PRKAR1B: variants seen among roughly 807,000 people sequenced by gnomAD.
The protein encoded by PRKAR1B is protein kinase cAMP-dependent type I regulatory subunit beta, also known as cAMP-dependent protein kinase type I-beta regulatory subunit.
PRKAR1B carries 22 observed loss-of-function variants against 46.5 expected under a neutral mutation model. That is an observed-to-expected ratio of 0.47 (90% CI 0.34 to 0.68). The LOEUF is 0.68. PRKAR1B is among the 30% of genes least tolerant of loss of function. The pLI is 0.01. For missense variants in PRKAR1B, 445 were observed against 535.6 expected (o/e 0.83, Z 1.67); for synonymous variants, 259 against 217.7 (o/e 1.19, Z -1.67).
At chr7:616,250 G>A (rs1310861440) in intron 4 of PRKAR1B, among the ~76,000 whole-genome samples, 4 of 152,226 alleles carry the variant, frequency 2.6e-5, no homozygotes, top group Non-Finnish European at 5.9e-5. Context: ...CTGACAAAAC[G>A]AGGTCACTCC....
chr7:717,797 G>A lies in PRKAR1B; in HGVS notation c.-22-6270C>T, dbSNP rs191784597. On this transcript the variant is annotated intron_variant, in intron 1 of 10. Transcript: ENST00000537384. ...TTCTCTACACATGGCTCCTGGGTGTGGCAGGCACTCTCAGATGGCCACAGG... is the reference window on the plus strand; with the variant it reads ...TTCTCTACACATGGCTCCTGGGTGTAGCAGGCACTCTCAGATGGCCACAGG... Among the ~76,000 whole-genome samples the A allele has an allele frequency of 3.9e-5, 6 of 152,226 alleles. No individual in the cohort carries two copies. The East Asian group carries it at 1.2e-3, about 29-fold the overall frequency.
intron 4 of PRKAR1B, among the ~76,000 whole-genome samples, chr7:635,583 G>A (rs899469460): frequency 2.0e-5 from 3 of 152,202 alleles, no homozygotes; most frequent in Admixed American, 6.5e-5. Flanking sequence ...ACCCAGGCCT[G>A]GAGCCCGGAA....
chr7:606,438 T>C (rs1782059346), intron 5 of PRKAR1B, among the ~76,000 whole-genome samples, 199 bp from the exon 6 acceptor site: 2 of 152,230 alleles, frequency 1.3e-5, no homozygotes, highest in Admixed American at 6.5e-5. Context: ...GTTTCATTAG[T>C]GAACTTTCTC....
intron 1 of PRKAR1B, among the ~76,000 whole-genome samples, chr7:725,905 C>G (rs1213086066): frequency 2.6e-5 from 4 of 152,202 alleles, no homozygotes; most frequent in African/African-American, 9.7e-5. Context: ...GAACAGAAGA[C>G]AGCAAGAGAA....
At chr7:564,058 T>C (rs146686579) in intron 9 of PRKAR1B, among the ~76,000 whole-genome samples, 6 of 152,208 alleles carry the variant, frequency 3.9e-5, no homozygotes, top group East Asian at 3.9e-4. Context: ...CACTTCCCGT[T>C]CTGATCCTGG....
intron 6 of PRKAR1B, among the ~76,000 whole-genome samples, chr7:605,640 G>A (rs554524667): frequency 1.3e-5 from 2 of 152,332 alleles, no homozygotes; most frequent in Admixed American, 6.5e-5. Context: ...AAAACAGTGG[G>A]AGCATCTCAT....
At chr7:681,743 C>T (rs1206152105) in intron 2 of PRKAR1B, among the ~76,000 whole-genome samples, 5 of 152,248 alleles carry the variant, frequency 3.3e-5, no homozygotes, top group African/African-American at 9.6e-5. Context: ...TGCCCACAGA[C>T]AAGTGCTTCG....
Position 711,397 on chromosome 7 carries a change from G to A in PRKAR1B, c.109C>T (p.His37Tyr). The change falls in exon 2 of 11, where the codon CAC becomes TAC. Residue 37 changes from histidine to tyrosine, a missense_variant. Transcript: ENST00000537384. ...CGTTCGGGCTTGGAGATGCAGAGGT[G>A]GACGATACAGTCTTTGAGGACCTGC... ...IQQVLKDCIV[H>Y]LCISKPERPM... The A allele has an allele frequency of 6.2e-7, 1 of 1,614,228 alleles. No individual in the cohort carries two copies. The highest frequency in any genetic ancestry group is 8.5e-7 in the Non-Finnish European group (1 of 1,180,028).
chr7:625,953 AGCCGAGATCGC>A (rs1367838647), intron 4 of PRKAR1B, among the ~76,000 whole-genome samples: 1 of 149,028 alleles, frequency 6.7e-6, no homozygotes, highest in Non-Finnish European at 1.5e-5. Flanking sequence ...GGTTGCAGTG[AGCCGAGATCGC>A]GCCATTGCAC....
chr7:692,930 G>C (rs960993325), intron 2 of PRKAR1B, among the ~76,000 whole-genome samples: 1 of 151,860 alleles, frequency 6.6e-6, no homozygotes, highest in Admixed American at 6.6e-5. Flanking sequence ...TTGAGCAGGT[G>C]AGTGGGACTT....
chr7:691,115 A>T lies in PRKAR1B; in HGVS notation c.178-10389T>A, dbSNP rs796854091. 3.7e-3 allele frequency among the ~76,000 whole-genome samples: 528 copies of T among 143,676 alleles called. 6 individuals carry two copies. The highest frequency in any genetic ancestry group is 0.013 in the African/African-American group (450 of 35,364). The allele number at this position is 143,676 out of a possible 152,430, so 94.3% of individuals were successfully genotyped here. ...TACCCGAAGGGTCCCACGCCCACCC[A>T]CACTGGCCAGTCCGCTGCAAATCCT... On this transcript the variant is annotated intron_variant, in intron 2 of 10. Coordinates refer to ENST00000537384, the MANE Select transcript of PRKAR1B (RefSeq NM_001164760.2).
Position 711,392 on chromosome 7 carries a change from G to C in PRKAR1B, c.114C>G (p.Leu38=). 1.2e-6 allele frequency: 2 copies of C among 1,614,246 alleles called. No individual in the cohort carries two copies. The highest frequency in any genetic ancestry group is 1.7e-6 in the Non-Finnish European group (2 of 1,180,024). The part of the protein sequence containing the change: ...QQVLKDCIVH[L]CISKPERPMK... ...TGGGGCGTTCGGGCTTGGAGATGCA[G>C]AGGTGGACGATACAGTCTTTGAGGA... The change falls in exon 2 of 11, where the codon CTC becomes CTG. Residue 38 remains leucine (L), a synonymous_variant. Coordinates refer to ENST00000537384, the MANE Select transcript of PRKAR1B (RefSeq NM_001164760.2).
chr7:627,549 G>A (rs966576765), intron 4 of PRKAR1B, among the ~76,000 whole-genome samples: 4 of 152,162 alleles, frequency 2.6e-5, no homozygotes, highest in East Asian at 3.9e-4. Context: ...CACTCTACAC[G>A]GCTGACCCCC....
At chr7:723,730 T>G (rs1028636340) in intron 1 of PRKAR1B, among the ~76,000 whole-genome samples, 1 of 152,184 alleles carries the variant, frequency 6.6e-6, no homozygotes, top group Non-Finnish European at 1.5e-5. Context: ...ATCCTCAGTC[T>G]GCCATGTTTT....
chr7:605,349 C>T (rs1026499390), intron 6 of PRKAR1B, among the ~76,000 whole-genome samples: 3 of 152,130 alleles, frequency 2.0e-5, no homozygotes, highest in Non-Finnish European at 4.4e-5. Flanking sequence ...GGCTGCCGTG[C>T]GGGGGGCGGC....
rs760656187 is a variant in PRKAR1B at position 711,372 on chromosome 7, C to A, written c.134G>T (p.Arg45Leu). 8.1e-6 allele frequency: 13 copies of A among 1,614,076 alleles called. No homozygotes were observed. The Admixed American group carries it at 1.8e-4, about 23-fold the overall frequency. Reference protein sequence around the residue: ...IVHLCISKPERPMKFLREHFE... With the variant: ...IVHLCISKPELPMKFLREHFE... ...GTGCTCCCGGAGGAACTTCATGGGGCGTTCGGGCTTGGAGATGCAGAGGTG... is the reference window on the plus strand; with the variant it reads ...GTGCTCCCGGAGGAACTTCATGGGGAGTTCGGGCTTGGAGATGCAGAGGTG... The change falls in exon 2 of 11, where the codon CGC (arginine) becomes CTC (leucine). Residue 45 changes from arginine to leucine, a missense_variant. Around this residue, in one of 5 missense-constraint regions of PRKAR1B, gnomAD observed 155 missense variants for 127.5 expected, o/e 1.22. Coordinates refer to ENST00000537384, the MANE Select transcript of PRKAR1B (RefSeq NM_001164760.2).
At chr7:580,056 A>C (rs1364046160) in intron 8 of PRKAR1B, among the ~76,000 whole-genome samples, 31 of 152,110 alleles carry the variant, frequency 2.0e-4, no homozygotes, top group Non-Finnish European at 2.2e-4. Context: ...ACACAGTGAG[A>C]TCTCGTCTCT....
At chr7:571,308 G>A (rs1265629769) in intron 9 of PRKAR1B, among the ~76,000 whole-genome samples, 1 of 152,218 alleles carries the variant, frequency 6.6e-6, no homozygotes, top group East Asian at 1.9e-4. Flanking sequence ...CCCACCCGAT[G>A]ACGGGGTGTG....
At chr7:705,923 G>A (rs372203391) in intron 2 of PRKAR1B, among the ~76,000 whole-genome samples, 3 of 151,784 alleles carry the variant, frequency 2.0e-5, no homozygotes, top group East Asian at 1.9e-4. Flanking sequence ...CTACTCGGGA[G>A]GCTGAGGCAG....
Sources: allele counts gnomAD v4.1 joint callset (sites outside exome capture counted in the v4.1 genomes callset), GRCh38; gene constraint gnomAD v4.1.1; regional missense constraint gnomAD v4.1.1; transcripts MANE v1.5; gene names NCBI Gene and HGNC (gene_info 2026-07-23, HGNC 2026-07-21).